Variants in RALYL observed in about 807,000 individuals in gnomAD.
The protein encoded by RALYL is RALY RNA binding protein like.
A neutral mutation model predicts 35.1 loss-of-function variants in RALYL; 29 were observed. The ratio of observed to expected loss-of-function variants is 0.83; its 90% CI spans 0.61 to 1.13. RALYL has a LOEUF of 1.13. Among genes scored for constraint, RALYL ranks in the 50% most tolerant of loss-of-function variants. RALYL has a pLI of 0.00. For missense variants in RALYL, 359 were observed against 360.4 expected (o/e 1.00, Z 0.03); for synonymous variants, 120 against 127.6 (o/e 0.94, Z 0.40).
chr8:84,803,905 A>C (rs1823957000), intron 3 of RALYL, among the ~76,000 whole-genome samples: 1 of 152,224 alleles, frequency 6.6e-6, no homozygotes, highest in African/African-American at 2.4e-5. Flanking sequence ...TTTAGTTAAA[A>C]ATATCTTCAG....
At chr8:84,568,420 GTGCCACATTTT>G (rs1564159798) in intron 2 of RALYL, among the ~76,000 whole-genome samples, 1 of 151,630 alleles carries the variant, frequency 6.6e-6, no homozygotes, top group African/African-American at 2.4e-5. Context: ...TGGTGTGTAT[GTGCCACATTTT>G]CTTAATCCAG....
chr8:84,812,498 T>C (rs750492066), intron 4 of RALYL, among the ~76,000 whole-genome samples: 102 of 152,076 alleles, frequency 6.7e-4, no homozygotes, highest in Middle Eastern at 3.4e-3. Flanking sequence ...ACTCCCAAGA[T>C]TATATGCCCT....
intron 1 of RALYL, among the ~76,000 whole-genome samples, chr8:84,462,520 A>G (rs764063344): frequency 6.7e-6 from 1 of 150,350 alleles, no homozygotes; most frequent in Non-Finnish European, 1.5e-5. Context: ...TAAGAGTTTT[A>G]TACTTTTGCA....
intron 1 of RALYL, among the ~76,000 whole-genome samples, chr8:84,320,472 A>G (rs926770737): frequency 2.6e-5 from 4 of 151,454 alleles, no homozygotes; most frequent in African/African-American, 7.3e-5. Flanking sequence ...CTCTATTTTT[A>G]TTAAAAAATT....
chr8:84,501,189 G>A (rs2056618170), intron 1 of RALYL, among the ~76,000 whole-genome samples: 1 of 152,114 alleles, frequency 6.6e-6, no homozygotes, highest in Non-Finnish European at 1.5e-5. Context: ...GTAGTTCTAA[G>A]CAAATGTTAA....
intron 1 of RALYL, among the ~76,000 whole-genome samples, chr8:84,521,864 C>A (rs970178527): frequency 6.6e-6 from 1 of 152,080 alleles, no homozygotes; most frequent in Non-Finnish European, 1.5e-5. Context: ...ATTACTTAAT[C>A]TCAATCTCCA....
At chr8:84,690,248 G>C (rs569442682) in intron 2 of RALYL, among the ~76,000 whole-genome samples, 20 of 152,178 alleles carry the variant, frequency 1.3e-4, no homozygotes, top group Non-Finnish European at 2.1e-4. Context: ...TGTATTTAGA[G>C]GACATGATGC....
At chr8:84,815,437 A>C (rs1413377674) in intron 4 of RALYL, among the ~76,000 whole-genome samples, 2 of 148,016 alleles carry the variant, frequency 1.4e-5, no homozygotes, top group African/African-American at 4.9e-5. Context: ...ATATATTTAA[A>C]TTTATTATAA....
intron 1 of RALYL, among the ~76,000 whole-genome samples, chr8:84,483,911 G>T (rs959854201): frequency 6.6e-6 from 1 of 151,974 alleles, no homozygotes; most frequent in Non-Finnish European, 1.5e-5. Context: ...AATATGTTTA[G>T]CTCTCCTTTT....
chr8:84,375,831 C>T (rs1349374991), intron 1 of RALYL, among the ~76,000 whole-genome samples: 3 of 151,684 alleles, frequency 2.0e-5, no homozygotes, highest in Non-Finnish European at 2.9e-5. Context: ...CAAAATAAAT[C>T]GACTAGTCTT....
chr8:84,388,972 T>G (rs1359217015), intron 1 of RALYL, among the ~76,000 whole-genome samples: 1 of 152,218 alleles, frequency 6.6e-6, no homozygotes, highest in Non-Finnish European at 1.5e-5. Flanking sequence ...TTTTATGGTT[T>G]TAGGTCTAAC....
intron 2 of RALYL, among the ~76,000 whole-genome samples, chr8:84,632,631 C>T (rs372445633): frequency 5.3e-5 from 8 of 149,808 alleles, no homozygotes; most frequent in African/African-American, 2.0e-4. Flanking sequence ...CTTTATTTTT[C>T]TGTCTGAACT....
intron 1 of RALYL, among the ~76,000 whole-genome samples, chr8:84,478,319 G>A (rs896114043): frequency 3.9e-5 from 6 of 152,210 alleles, no homozygotes; most frequent in Admixed American, 1.3e-4. Context: ...GTGAGAATTT[G>A]TCGCGAAATG....
intron 5 of RALYL, among the ~76,000 whole-genome samples, chr8:84,852,900 G>GACA (rs889500254): frequency 3.3e-5 from 5 of 151,982 alleles, no homozygotes; most frequent in East Asian, 1.9e-4. Flanking sequence ...TTATACATAG[G>GACA]ACAACAACAA....
At chr8:84,347,799 T>G (rs1362095190) in intron 1 of RALYL, among the ~76,000 whole-genome samples, 1 of 152,136 alleles carries the variant, frequency 6.6e-6, no homozygotes. Context: ...TCAGCAGCTT[T>G]GCCTCTTAGG....
At chr8:84,688,694 G>A (rs1408765650) in intron 2 of RALYL, among the ~76,000 whole-genome samples, 2 of 151,844 alleles carry the variant, frequency 1.3e-5, no homozygotes, top group Admixed American at 1.3e-4. Flanking sequence ...AACCCCAAAA[G>A]CAAAGGCAAC....
chr8:84,649,789 TTAAAG>T (rs1415341691), intron 2 of RALYL, among the ~76,000 whole-genome samples: 8 of 152,110 alleles, frequency 5.3e-5, no homozygotes, highest in Admixed American at 2.6e-4. Context: ...CATATGAACT[TTAAAG>T]TAGTTTTTTC....
At chr8:84,432,474 T>C (rs1023790692) in intron 1 of RALYL, among the ~76,000 whole-genome samples, 9 of 152,128 alleles carry the variant, frequency 5.9e-5, no homozygotes, top group Admixed American at 1.3e-4. Flanking sequence ...TCAATAATAC[T>C]GTGTTGTATA....
intron 4 of RALYL, among the ~76,000 whole-genome samples, chr8:84,834,168 A>T (rs1193512402): frequency 6.6e-6 from 1 of 152,264 alleles, no homozygotes; most frequent in African/African-American, 2.4e-5. Flanking sequence ...ACATATGGTT[A>T]TTCTCAACAA....
Sources: gnomAD v4.1 joint callset for allele counts (sites outside exome capture counted in the v4.1 genomes callset) on GRCh38, gnomAD v4.1.1 for gene constraint, MANE v1.5 for transcripts, NCBI Gene and HGNC (gene_info 2026-07-23, HGNC 2026-07-21) for gene names.